The following NAALADL2 variants were observed in gnomAD, a reference collection of about 807,000 sequenced individuals.
NAALADL2 encodes inactive N-acetylated-alpha-linked acidic dipeptidase-like protein 2.
Under a neutral mutation model 87.2 loss-of-function variants are expected in NAALADL2, and 76 were observed. That is an observed-to-expected ratio of 0.87 (90% CI 0.72 to 1.05). The LOEUF is 1.05. Ranked by LOEUF, NAALADL2 falls within the 50% of genes least tolerant of loss-of-function variation. The probability of loss-of-function intolerance (pLI) is 0.00; values close to 1 mark genes in which losing one functional copy is unlikely to be tolerated. For missense variants in NAALADL2, 1,089 were observed against 945.8 expected, an observed-to-expected ratio of 1.15 and a Z score of -1.99; for synonymous variants, 354 against 331.0, an observed-to-expected ratio of 1.07 and a Z score of -0.75.
intron 2 of NAALADL2, among the ~76,000 whole-genome samples, chr3:174,564,210 C>T (rs1221039921): frequency 6.6e-6 from 1 of 152,150 alleles, no homozygotes; most frequent in East Asian, 1.9e-4. Flanking sequence ...AGATTTTAAT[C>T]TCTTAGTGTT....
chr3:174,463,483 A>G (rs1464976982), intron 1 of NAALADL2, among the ~76,000 whole-genome samples: 2 of 152,210 alleles, frequency 1.3e-5, no homozygotes, highest in Non-Finnish European at 2.9e-5. Context: ...ATAGCTATCA[A>G]ATTGCAAGGA....
At chr3:174,853,395 A>G (rs1041614665) in intron 3 of NAALADL2, among the ~76,000 whole-genome samples, 2 of 150,434 alleles carry the variant, frequency 1.3e-5, no homozygotes, top group Non-Finnish European at 3.0e-5. Context: ...AAAAAAAAAA[A>G]ATAGATTTAC....
chr3:175,127,239 C>T (rs975426241), intron 2 of NAALADL2, among the ~76,000 whole-genome samples: 1 of 152,078 alleles, frequency 6.6e-6, no homozygotes, highest in Non-Finnish European at 1.5e-5. Context: ...CTCCCGCTAC[C>T]CCCCAAAGTG....
Position 174,781,023 on chromosome 3 carries a change from C to T in NAALADL2, c.-9+43277C>T, listed in dbSNP as rs959954444. On this transcript the variant is annotated intron_variant, in intron 3 of 3. Transcript: ENST00000434257. ...TGCTTGTCTGTAAAGGATTTTATTTCTCCTTCCCTTATGAAGCTTAGTTTG... is the reference window on the plus strand; with the variant it reads ...TGCTTGTCTGTAAAGGATTTTATTTTTCCTTCCCTTATGAAGCTTAGTTTG... Among the ~76,000 whole-genome samples, 5 of 152,054 alleles carry T rather than the reference C, an allele frequency of 3.3e-5. No homozygotes were observed. In the South Asian group the frequency reaches 8.3e-4, roughly 25 times the overall value.
chr3:174,625,748 AAT>A (rs1255296400), intron 2 of NAALADL2, among the ~76,000 whole-genome samples: 1 of 152,096 alleles, frequency 6.6e-6, no homozygotes, highest in Non-Finnish European at 1.5e-5. Flanking sequence ...GCTTTCAAGG[AAT>A]ATTTTATAAC....
At chr3:175,345,676 G>C (rs1471364479) in intron 5 of NAALADL2, among the ~76,000 whole-genome samples, 1 of 152,088 alleles carries the variant, frequency 6.6e-6, no homozygotes, top group Non-Finnish European at 1.5e-5. Context: ...TGGTAGCATG[G>C]TCTATTTGGG....
At chr3:175,549,885 A>C (rs982061866) in intron 9 of NAALADL2, among the ~76,000 whole-genome samples, 1 of 152,034 alleles carries the variant, frequency 6.6e-6, no homozygotes, top group Non-Finnish European at 1.5e-5. Flanking sequence ...AAAGAAAATC[A>C]TATCAATTTT....
chr3:175,212,306 TAA>T (rs1162000747), intron 2 of NAALADL2, among the ~76,000 whole-genome samples: 5 of 151,526 alleles, frequency 3.3e-5, no homozygotes, highest in East Asian at 1.9e-4. Flanking sequence ...CATTACTATA[TAA>T]GAGTTAATTA....
chr3:175,327,561 G>C (rs1363906332), intron 5 of NAALADL2, among the ~76,000 whole-genome samples: 1 of 152,030 alleles, frequency 6.6e-6, no homozygotes, highest in Non-Finnish European at 1.5e-5. Flanking sequence ...GCACACATAC[G>C]TATAGGAGAA....
chr3:175,532,436 G>A (rs1734209746), intron 9 of NAALADL2, among the ~76,000 whole-genome samples: 1 of 152,182 alleles, frequency 6.6e-6, no homozygotes, highest in South Asian at 2.1e-4. Context: ...TTCATTCACT[G>A]GTGTCTGGGT....
chr3:175,052,746 A>G (rs958482581), intron 1 of NAALADL2, among the ~76,000 whole-genome samples: 2 of 152,172 alleles, frequency 1.3e-5, no homozygotes, highest in East Asian at 1.9e-4. Context: ...TCTTTCCCAA[A>G]TTTTGATCTT....
intron 1 of NAALADL2, among the ~76,000 whole-genome samples, chr3:174,473,039 T>A (rs1717004189): frequency 6.6e-6 from 1 of 152,188 alleles, no homozygotes; most frequent in African/African-American, 2.4e-5. Flanking sequence ...GAGGGAATAA[T>A]GTTTGGAAGA....
chr3:175,672,734 C>A (rs541951841), intron 11 of NAALADL2, among the ~76,000 whole-genome samples: 2 of 152,164 alleles, frequency 1.3e-5, no homozygotes, highest in Admixed American at 6.5e-5. Context: ...CCTTAAGGTG[C>A]AAGAAAGATT....
At chr3:175,191,118 A>G (rs1738127610) in intron 2 of NAALADL2, among the ~76,000 whole-genome samples, 1 of 152,186 alleles carries the variant, frequency 6.6e-6, no homozygotes, top group Non-Finnish European at 1.5e-5. Flanking sequence ...AGAAGATTTT[A>G]GGGGCTCTTG....
At chr3:175,336,298 G>A (rs559207064) in intron 5 of NAALADL2, among the ~76,000 whole-genome samples, 150 of 152,214 alleles carry the variant, frequency 9.9e-4, no homozygotes, top group Non-Finnish European at 1.6e-3. Context: ...GTGTTTTCAA[G>A]TCTCTAAAAG....
intron 3 of NAALADL2, among the ~76,000 whole-genome samples, chr3:174,786,464 AAAT>A (rs1191222628): frequency 0.04 from 5,075 of 128,386 alleles, 102 homozygotes; most frequent in Non-Finnish European, 0.058. Context: ...AAAAAAAAAA[AAAT>A]AATAAATAAA....
At chr3:175,116,252 GAAAT>G (rs1201205189) in intron 2 of NAALADL2, among the ~76,000 whole-genome samples, 1 of 151,976 alleles carries the variant, frequency 6.6e-6, no homozygotes, top group Non-Finnish European at 1.5e-5. Flanking sequence ...GCAAGAGAAA[GAAAT>G]AAAGGATATT....
In NAALADL2 at chr3:174,754,826, G is replaced by A. The variant is rs1215707009; in HGVS notation, c.-9+17080G>A. On this transcript the variant is annotated intron_variant, in intron 3 of 3. Coordinates refer to the NAALADL2 transcript ENST00000434257. ...AAGAGCTGACACTCTCATTAATAAT[G>A]GCAGCTAAATGCTTTATATCACTTA... 2.6e-5 allele frequency among the ~76,000 whole-genome samples: 4 copies of A among 152,054 alleles called. No individual in the cohort carries two copies. The East Asian group carries it at 7.7e-4, about 29-fold the overall frequency.
intron 2 of NAALADL2, among the ~76,000 whole-genome samples, chr3:175,199,718 T>G (rs2109125080): frequency 6.8e-6 from 1 of 147,698 alleles, no homozygotes; most frequent in Non-Finnish European, 1.5e-5. Flanking sequence ...AGTTTCTCTA[T>G]ATCTCACATG....
Sources: gnomAD v4.1 joint callset for allele counts (sites outside exome capture counted in the v4.1 genomes callset) on GRCh38, gnomAD v4.1.1 for gene constraint, MANE v1.5 for transcripts, NCBI Gene and HGNC (gene_info 2026-07-23, HGNC 2026-07-21) for gene names.